The following LDB2 variants were observed in gnomAD, a reference collection of about 807,000 sequenced individuals.
The protein encoded by LDB2 is LIM domain-binding protein 2.
A neutral mutation model predicts 44.3 loss-of-function variants in LDB2; 12 were observed. The ratio of observed to expected loss-of-function variants is 0.27; its 90% CI spans 0.17 to 0.44. The LOEUF (loss-of-function observed/expected upper bound fraction) is 0.44. LDB2 is among the 20% of genes least tolerant of loss of function. The pLI, the probability that LDB2 is intolerant of heterozygous loss-of-function variation, is 1.00. For synonymous variants in LDB2, 164 were observed against 174.8 expected, an observed-to-expected ratio of 0.94 and a Z score of 0.49; for missense variants, 344 against 473.5, an observed-to-expected ratio of 0.73 and a Z score of 2.54.
intron 2 of LDB2, among the ~76,000 whole-genome samples, chr4:16,623,214 G>A (rs925243954): frequency 1.8e-4 from 28 of 152,066 alleles, no homozygotes; most frequent in African/African-American, 6.5e-4. Context: ...GAAAGCTAGA[G>A]GAGAAAAAAG....
rs189682067 is a variant in LDB2, at chr4:16,852,393, C to T, written c.132+45961G>A. Among the ~76,000 whole-genome samples, 21 of 152,318 alleles carry T rather than the reference C, an allele frequency of 1.4e-4. No homozygotes were observed. The East Asian group carries it at 2.7e-3, about 20-fold the overall frequency. On this transcript the variant is annotated intron_variant, in intron 1 of 7. Transcript: ENST00000304523. Reference sequence around the variant, plus strand: ...TGGATCTTTCTTTTCCCTTCATACACATCTGCAATGCAATGAAGTGGTGAA... The same window carrying T: ...TGGATCTTTCTTTTCCCTTCATACATATCTGCAATGCAATGAAGTGGTGAA...
intron 2 of LDB2, among the ~76,000 whole-genome samples, chr4:16,735,105 A>G (rs1292566294): frequency 3.9e-5 from 6 of 152,168 alleles, no homozygotes; most frequent in Non-Finnish European, 8.8e-5. Flanking sequence ...ACAGTGTTTG[A>G]CGCTGAGGGT....
intron 2 of LDB2, among the ~76,000 whole-genome samples, chr4:16,646,929 T>A (rs143516254): frequency 6.6e-6 from 1 of 152,226 alleles, no homozygotes; most frequent in African/African-American, 2.4e-5. Flanking sequence ...ACACTTACCA[T>A]ATGATTCAGC....
chr4:16,814,681 C>G (rs1416830073), intron 1 of LDB2, among the ~76,000 whole-genome samples: 1 of 152,132 alleles, frequency 6.6e-6, no homozygotes, highest in African/African-American at 2.4e-5. Context: ...CAATTGCCAG[C>G]TGCTATGCTA....
chr4:16,558,376 G>A, intron 5 of LDB2, among the ~76,000 whole-genome samples: 1 of 152,168 alleles, frequency 6.6e-6, no homozygotes, highest in East Asian at 1.9e-4. Context: ...GGAGCTGATG[G>A]AGCCAAAAGC....
At chr4:16,706,817 G>A (rs1327619966) in intron 2 of LDB2, among the ~76,000 whole-genome samples, 2 of 152,132 alleles carry the variant, frequency 1.3e-5, no homozygotes, top group African/African-American at 4.8e-5. Context: ...AAATAAAATA[G>A]CAAGTACTGC....
chr4:16,581,503 A>T, intron 5 of LDB2: 7 of 853,354 alleles, frequency 8.2e-6, no homozygotes, highest in Non-Finnish European at 9.9e-6. Context: ...TTTTGTTGGT[A>T]CCTAAAACAA....
chr4:16,778,618 T>A (rs1772485950), intron 1 of LDB2, among the ~76,000 whole-genome samples: 1 of 152,230 alleles, frequency 6.6e-6, no homozygotes, highest in South Asian at 2.1e-4. Context: ...CAGAGTTTGA[T>A]ACACAGCAGA....
intron 2 of LDB2, among the ~76,000 whole-genome samples, chr4:16,597,278 C>A (rs1721242501): frequency 6.6e-6 from 1 of 152,126 alleles, no homozygotes; most frequent in Non-Finnish European, 1.5e-5. Context: ...ATATTTGCTG[C>A]AGGTAAAATC....
chr4:16,690,924 C>T (rs1750633873), intron 2 of LDB2, among the ~76,000 whole-genome samples: 1 of 152,156 alleles, frequency 6.6e-6, no homozygotes, highest in African/African-American at 2.4e-5. Flanking sequence ...TAGACCGTTT[C>T]CCCTATGTCT....
At chr4:16,743,388 C>T (rs1336526213) in intron 2 of LDB2, among the ~76,000 whole-genome samples, 1 of 152,078 alleles carries the variant, frequency 6.6e-6, no homozygotes, top group Non-Finnish European at 1.5e-5. Context: ...TCCAAGATTC[C>T]CACCCCTGGT....
chr4:16,741,578 C>T (rs1273414440), intron 2 of LDB2: 1 of 152,188 alleles, frequency 6.6e-6, no homozygotes, highest in Non-Finnish European at 1.5e-5. Context: ...CAGTCAGATC[C>T]AGTCTATCCC....
At chr4:16,615,379 G>A (rs371229061) in intron 2 of LDB2, among the ~76,000 whole-genome samples, 2 of 152,168 alleles carry the variant, frequency 1.3e-5, no homozygotes, top group South Asian at 2.1e-4. Flanking sequence ...TGATAGACTG[G>A]ATAAAGAAAA....
chr4:16,565,423 T>C (rs1449699102), intron 5 of LDB2, among the ~76,000 whole-genome samples: 2 of 151,856 alleles, frequency 1.3e-5, no homozygotes, highest in Admixed American at 1.3e-4. Flanking sequence ...ATACATTTGA[T>C]AAAATTCGAC....
In LDB2 at chr4:16,619,337, C is replaced by A. The variant is rs569833345; in HGVS notation, c.236-23462G>T. Among the ~76,000 whole-genome samples the A allele has an allele frequency of 2.0e-3, 312 of 152,282 alleles. 1 individual carries two copies. Among genetic ancestry groups the A allele is most frequent in the Non-Finnish European group, 3.4e-3 (231 of 68,028 alleles). ...ACTCCATCCCACCAGGTGAGAACCT[C>A]CCCTAGTGGTCCTTCTGCTGAGAGG... On this transcript the variant is annotated intron_variant, in intron 2 of 7. Coordinates refer to ENST00000304523, the MANE Select transcript of LDB2 (RefSeq NM_001290.5).
At chr4:16,861,458 T>C (rs1208218727) in intron 1 of LDB2, among the ~76,000 whole-genome samples, 1 of 152,200 alleles carries the variant, frequency 6.6e-6, no homozygotes, top group Non-Finnish European at 1.5e-5. Context: ...AAGTGTTCCC[T>C]ACGGGACCAT....
chr4:16,734,295 A>G (rs1236562516), intron 2 of LDB2, among the ~76,000 whole-genome samples: 1 of 152,238 alleles, frequency 6.6e-6, no homozygotes, highest in Non-Finnish European at 1.5e-5. Context: ...TCCAACAACT[A>G]TGTATTTAAT....
chr4:16,720,883 G>T (rs1300339184), intron 2 of LDB2, among the ~76,000 whole-genome samples: 1 of 152,038 alleles, frequency 6.6e-6, no homozygotes, highest in African/African-American at 2.4e-5. Context: ...CTCAATACAA[G>T]GAAGATTTTC....
At chr4:16,541,211 T>C (rs886822062) in intron 5 of LDB2, among the ~76,000 whole-genome samples, 3 of 152,028 alleles carry the variant, frequency 2.0e-5, no homozygotes, top group African/African-American at 7.2e-5. Context: ...GACTGAATCA[T>C]GGGGGTGGGT....
Sources: allele counts gnomAD v4.1 joint callset (sites outside exome capture counted in the v4.1 genomes callset), GRCh38; gene constraint gnomAD v4.1.1; transcripts MANE v1.5; gene names NCBI Gene and HGNC (gene_info 2026-07-23, HGNC 2026-07-21).